The following TMED3 variants were observed in gnomAD, a reference collection of about 807,000 sequenced individuals.
TMED3 encodes transmembrane p24 trafficking protein 3, also known as transmembrane emp24 domain-containing protein 3.
In TMED3, 9 loss-of-function variants were observed where a neutral mutation model predicts 15.0. The ratio of observed to expected loss-of-function variants is 0.60; its 90% CI spans 0.36 to 1.04. The LOEUF (loss-of-function observed/expected upper bound fraction) is 1.04. Ranked by LOEUF, TMED3 falls within the 50% of genes least tolerant of loss-of-function variation. The probability of loss-of-function intolerance (pLI) is 0.01; values close to 1 mark genes in which losing one functional copy is unlikely to be tolerated. For synonymous variants in TMED3, 117 were observed against 121.4 expected (o/e 0.96, Z 0.24); for missense variants, 267 against 278.9 (o/e 0.96, Z 0.30).
In TMED3 at chr15:79,331,655, A is replaced by G. The variant is rs559920476; in HGVS notation, c.417+17650A>G. Among the ~76,000 whole-genome samples, 10 of 152,302 alleles carry G rather than the reference A, an allele frequency of 6.6e-5. No homozygotes were observed. The South Asian group carries it at 1.9e-3, about 28-fold the overall frequency. On this transcript the variant is annotated intron_variant, in intron 2 of 2. Transcript: ENST00000424155. The stretch of plus-strand genomic sequence containing the variant: ...AGAAAATATTTTCGAAGTATTCATC[A>G]GATAAAGGATTAATATCCAGACTGT...
intron 2 of TMED3, among the ~76,000 whole-genome samples, chr15:79,408,377 A>T (rs1379723477): frequency 6.6e-6 from 1 of 152,194 alleles, no homozygotes; most frequent in Non-Finnish European, 1.5e-5. Flanking sequence ...GACCTATAGC[A>T]TCTATGATCT....
rs2009342 is a variant in TMED3 at position 79,357,680 on chromosome 15, C to T, written c.417+43675C>T. Among the ~76,000 whole-genome samples the T allele has an allele frequency of 4.0e-5, 6 of 151,848 alleles. No individual in the cohort carries two copies. In the South Asian group the frequency reaches 8.3e-4, roughly 21 times the overall value. ...TCTGGGCCACTGTAGAGGGAGCTGG[C>T]GGCCCTCCGCTCTGTGTATTGAGTC... On this transcript the variant is annotated intron_variant, in intron 2 of 2. Transcript: ENST00000424155.
chr15:79,359,395 C>A (rs1240188938), intron 2 of TMED3, among the ~76,000 whole-genome samples: 2 of 152,120 alleles, frequency 1.3e-5, no homozygotes, highest in South Asian at 4.2e-4. Flanking sequence ...CCATGCCTGG[C>A]AAATTTTTGT....
intron 2 of TMED3, among the ~76,000 whole-genome samples, chr15:79,345,016 G>A (rs2058864628): frequency 6.6e-6 from 1 of 151,918 alleles, no homozygotes; most frequent in Admixed American, 6.6e-5. Flanking sequence ...GAAAACAGGG[G>A]GACAATGAAA....
intron 2 of TMED3, among the ~76,000 whole-genome samples, chr15:79,393,701 A>C (rs924024186): frequency 6.6e-6 from 1 of 152,056 alleles, no homozygotes; most frequent in African/African-American, 2.4e-5. Context: ...GCATTTTTAA[A>C]ATTTTGTTTT....
intron 2 of TMED3, among the ~76,000 whole-genome samples, chr15:79,330,693 T>C (rs1317866963): frequency 6.6e-6 from 1 of 152,150 alleles, no homozygotes; most frequent in Non-Finnish European, 1.5e-5. Flanking sequence ...CTAAAATTTA[T>C]ATGGAACCAT....
intron 2 of TMED3, among the ~76,000 whole-genome samples, chr15:79,335,602 A>G (rs1438988298): frequency 6.6e-6 from 1 of 152,208 alleles, no homozygotes; most frequent in Non-Finnish European, 1.5e-5. Flanking sequence ...AACTCTACTG[A>G]GTAAGGAAAG....
rs535128174 is a variant in TMED3 at position 79,334,566 on chromosome 15, G to A, written c.417+20561G>A. 3.9e-5 allele frequency among the ~76,000 whole-genome samples: 6 copies of A among 152,274 alleles called. No homozygotes were observed. In the East Asian group the frequency reaches 9.7e-4, roughly 24 times the overall value. ...CAGGAGAACTGATGAGAAAGGATGT[G>A]GAGAAGGCACCTCTGACTCGCAGCT... On this transcript the variant is annotated intron_variant, in intron 2 of 2. Coordinates refer to the TMED3 transcript ENST00000424155.
In TMED3 at chr15:79,311,163, T is replaced by C; in HGVS notation, c.-87T>C. ...GTGCCACGTCTATCCCCTTACATCC[T>C]CCTAGGACCCGGTCGGTAGTCGTCG... On this transcript the variant is annotated 5_prime_UTR_variant, in exon 1 of 3. Coordinates refer to ENST00000299705, the MANE Select transcript of TMED3 (RefSeq NM_007364.4). 6 of 1,433,652 alleles carry C rather than the reference T, an allele frequency of 4.2e-6. No individual in the cohort carries two copies. The highest frequency in any genetic ancestry group is 5.6e-6 in the Non-Finnish European group (6 of 1,080,674). The allele number at this position is 1,433,652 out of a possible 1,614,324, so 88.8% of individuals were successfully genotyped here.
At chr15:79,317,680 T>G (rs11637430) in intron 2 of TMED3, among the ~76,000 whole-genome samples, 1 of 152,018 alleles carries the variant, frequency 6.6e-6, no homozygotes, top group African/African-American at 2.4e-5. Context: ...TATACACTTA[T>G]GTGTGTGTCT....
At chr15:79,332,398 G>A (rs996060374) in intron 2 of TMED3, among the ~76,000 whole-genome samples, 1 of 152,250 alleles carries the variant, frequency 6.6e-6, no homozygotes, top group Admixed American at 6.5e-5. Context: ...TGGCCAATGC[G>A]AAACTCTTCA....
intron 2 of TMED3, among the ~76,000 whole-genome samples, chr15:79,339,373 G>T (rs2058840970): frequency 6.6e-6 from 1 of 152,114 alleles, no homozygotes. Flanking sequence ...CCGGGCCCAG[G>T]TGTCTTTTCT....
At chr15:79,315,747 G>A (rs537748963) in intron 2 of TMED3, among the ~76,000 whole-genome samples, 6 of 152,100 alleles carry the variant, frequency 3.9e-5, no homozygotes, top group African/African-American at 1.4e-4. Flanking sequence ...CTCTTACCCC[G>A]CCACCTTGAA....
At chr15:79,398,901 T>C (rs1297614556) in intron 2 of TMED3, among the ~76,000 whole-genome samples, 1 of 152,174 alleles carries the variant, frequency 6.6e-6, no homozygotes, top group Non-Finnish European at 1.5e-5. Context: ...ATTTAAATGT[T>C]TTTTGTTTGT....
intron 2 of TMED3, among the ~76,000 whole-genome samples, chr15:79,333,373 C>G (rs986398486): frequency 1.3e-5 from 2 of 152,226 alleles, no homozygotes; most frequent in Non-Finnish European, 2.9e-5. Flanking sequence ...CCCTGCTCAC[C>G]ACCAAACTGC....
At chr15:79,391,647 C>CTGTCTTGATGACA in intron 2 of TMED3, among the ~76,000 whole-genome samples, 1 of 151,368 alleles carries the variant, frequency 6.6e-6, no homozygotes, top group African/African-American at 2.4e-5. Context: ...TCTCGATGAC[C>CTGTCTTGATGACA]TGTCTTGATG....
chr15:79,377,940 C>T (rs1328569758), intron 2 of TMED3, among the ~76,000 whole-genome samples: 1 of 152,366 alleles, frequency 6.6e-6, no homozygotes, highest in East Asian at 1.9e-4. Context: ...GCCACCGCGC[C>T]CGGCTGAACA....
At chr15:79,314,681 C>A in intron 2 of TMED3, 2 of 388,672 alleles carry the variant, frequency 5.1e-6, no homozygotes, top group Non-Finnish European at 5.4e-6. Flanking sequence ...TGTGGCAAAG[C>A]TGGATGAAAG....
At chr15:79,340,123 G>A (rs1000566162) in intron 2 of TMED3, among the ~76,000 whole-genome samples, 11 of 152,250 alleles carry the variant, frequency 7.2e-5, no homozygotes, top group African/African-American at 2.6e-4. Context: ...ATTGAGCACG[G>A]TAATTAGCTT....
Sources: allele counts gnomAD v4.1 joint callset (sites outside exome capture counted in the v4.1 genomes callset), GRCh38; gene constraint gnomAD v4.1.1; transcripts MANE v1.5; gene names NCBI Gene and HGNC (gene_info 2026-07-23, HGNC 2026-07-21).